The following DIO2 variants were observed in gnomAD, a reference collection of about 807,000 sequenced individuals.
The protein encoded by DIO2 is iodothyronine deiodinase 2.
A neutral mutation model predicts 21.4 loss-of-function variants in DIO2; 19 were observed. The ratio of observed to expected loss-of-function variants is 0.89; its 90% CI spans 0.62 to 1.30. The LOEUF is 1.30. Ranked by LOEUF, DIO2 falls within the 50% of genes most tolerant of loss-of-function variation. DIO2 has a pLI of 0.00. For synonymous variants in DIO2, 122 were observed against 132.9 expected (o/e 0.92, Z 0.57); for missense variants, 302 against 338.1 (o/e 0.89, Z 0.84).
chr14:80,225,021 T>C (rs1888543716), intron 2 of DIO2, among the ~76,000 whole-genome samples: 2 of 152,180 alleles, frequency 1.3e-5, no homozygotes, highest in African/African-American at 4.8e-5. Flanking sequence ...GAGAAAGATG[T>C]AGTCTGGGAG....
At chr14:80,221,320 T>C (rs1888460311) in intron 2 of DIO2, among the ~76,000 whole-genome samples, 1 of 152,222 alleles carries the variant, frequency 6.6e-6, no homozygotes, top group Non-Finnish European at 1.5e-5. Context: ...TACTAAGAAA[T>C]ACATGGGAAA....
chr14:80,217,918 T>C (rs1476026803), intron 2 of DIO2, among the ~76,000 whole-genome samples: 1 of 152,222 alleles, frequency 6.6e-6, no homozygotes, highest in Non-Finnish European at 1.5e-5. Context: ...CACGTTCTGG[T>C]GGACTTCAAT....
chr14:80,223,855 C>G (rs1483525323), intron 2 of DIO2, among the ~76,000 whole-genome samples: 2 of 152,176 alleles, frequency 1.3e-5, no homozygotes, highest in African/African-American at 2.4e-5. Flanking sequence ...GAAACACATT[C>G]TTTAGACACC....
rs1202460414 is a variant in DIO2, at chr14:80,202,816, A to G, written c.695T>C (p.Ile232Thr). Residue 232 changes from isoleucine (I) to threonine (T), a missense_variant, in exon 2 of 2, where the codon ATT (isoleucine) becomes ACT (threonine). Physicochemically the swap from Ile to Thr is moderately conservative, Grantham distance 89. Coordinates refer to ENST00000438257, the MANE Select transcript of DIO2 (RefSeq NM_013989.5). ...AYGVAFERVCIVQRQKIAYLG... is the reference protein window; with the variant it reads ...AYGVAFERVCTVQRQKIAYLG... The stretch of plus-strand genomic sequence containing the variant: ...ATAAGCAATTTTCTGTCTCTGCACA[A>G]TGCACACACGTTCAAAGGCTACCCC... 3.1e-6 allele frequency: 5 copies of G among 1,613,752 alleles called. No homozygotes were observed. The highest frequency in any genetic ancestry group is 1.3e-5 in the African/African-American group (1 of 74,876).
upstream of DIO2, among the ~76,000 whole-genome samples, chr14:80,213,142 T>C (rs1337061211): frequency 6.6e-6 from 1 of 152,226 alleles, no homozygotes; most frequent in Non-Finnish European, 1.5e-5. Flanking sequence ...ACATTGACCA[T>C]TGTTCATTGG....
At chr14:80,218,717 C>T (rs962518440) in intron 2 of DIO2, among the ~76,000 whole-genome samples, 1 of 152,166 alleles carries the variant, frequency 6.6e-6, no homozygotes, top group Middle Eastern at 3.2e-3. Context: ...GTGGGTCATG[C>T]CTCTAATCCC....
chr14:80,223,551 C>T (rs1180299548), intron 2 of DIO2, among the ~76,000 whole-genome samples: 1 of 152,064 alleles, frequency 6.6e-6, no homozygotes, highest in Non-Finnish European at 1.5e-5. Flanking sequence ...GGGATGGACT[C>T]AACAAAAGTT....
At chr14:80,203,491 TAA>T (rs1887829723) in intron 1 of DIO2, among the ~76,000 whole-genome samples, 1 of 152,082 alleles carries the variant, frequency 6.6e-6, no homozygotes, top group African/African-American at 2.4e-5. Context: ...CAAAAGACAA[TAA>T]AAGTCTTTTT....
chr14:80,211,954 G>C (rs1888223834), upstream of DIO2: 2 of 148,822 alleles, frequency 1.3e-5, no homozygotes, highest in South Asian at 2.2e-4. Flanking sequence ...TTTAAACGTA[G>C]CCTGTTTCTT....
intron 2 of DIO2, chr14:80,219,514 T>C (rs2140016997): frequency 6.6e-6 from 1 of 152,058 alleles, no homozygotes; most frequent in South Asian, 2.1e-4. Context: ...CATTTTTTTT[T>C]TTTTTTTTTT....
At chr14:80,219,331 A>G (rs990171516) in intron 2 of DIO2, 1 of 152,222 alleles carries the variant, frequency 6.6e-6, no homozygotes, top group Non-Finnish European at 1.5e-5. Flanking sequence ...CAATTAGTTC[A>G]ATGACAGGAT....
rs931221562 is a variant in DIO2 at position 80,202,432 on chromosome 14, G to A, written c.*257C>T. 8.5e-6 allele frequency: 6 copies of A among 707,038 alleles called. No homozygotes were observed. The highest frequency in any genetic ancestry group is 1.3e-5 in the Non-Finnish European group (5 of 382,414). The allele number at this position is 707,038 out of a possible 1,614,324, so 43.8% of individuals were successfully genotyped here. On this transcript the variant is annotated 3_prime_UTR_variant, in exon 2 of 2. Transcript: ENST00000438257. ...CAGAATGAACACATGCTGAATTAGCGTTTCTTCCTCTCCATCTTGGGATCT... is the reference window on the plus strand; with the variant it reads ...CAGAATGAACACATGCTGAATTAGCATTTCTTCCTCTCCATCTTGGGATCT...
At position 80,229,027 on chromosome 14, in the gene DIO2, TCAAGGGGA is replaced by T. The variant is rs1362128389; in HGVS notation, c.-277-12298_-277-12291del. ...TCCATAATGTAGTGGGGTCCTAACCTCAAGGGGACCCAGCCTCCCCTTCATTCAAGGAG... is the reference window on the plus strand; with the variant it reads ...TCCATAATGTAGTGGGGTCCTAACCTCCCAGCCTCCCCTTCATTCAAGGAG... On this transcript the variant is annotated intron_variant, in intron 2 of 4. Coordinates refer to the DIO2 transcript ENST00000553594. Among the ~76,000 whole-genome samples the T allele has an allele frequency of 7.9e-5, 12 of 152,252 alleles. No individual in the cohort carries two copies. In the South Asian group the frequency reaches 2.5e-3, roughly 32 times the overall value.
intron 1 of DIO2, among the ~76,000 whole-genome samples, chr14:80,206,888 C>T (rs1249773272): frequency 6.6e-6 from 1 of 152,150 alleles, no homozygotes; most frequent in Non-Finnish European, 1.5e-5. Flanking sequence ...TCTTTCCCTG[C>T]CAGCATTAGC....
At chr14:80,227,541 C>T (rs1888601047) in intron 2 of DIO2, among the ~76,000 whole-genome samples, 1 of 152,206 alleles carries the variant, frequency 6.6e-6, no homozygotes, top group African/African-American at 2.4e-5. Context: ...AAAGAGCTGT[C>T]TCTCAAAAGG....
intron 2 of DIO2, chr14:80,216,834 C>T (rs1239289656): frequency 1.3e-5 from 2 of 152,074 alleles, no homozygotes; most frequent in East Asian, 1.9e-4. Flanking sequence ...TTTCATTCCT[C>T]GGCTCGTAGG....
upstream of DIO2, chr14:80,212,003 T>C (rs1423867001): frequency 6.6e-6 from 1 of 150,496 alleles, no homozygotes; most frequent in Non-Finnish European, 1.5e-5. Context: ...TTAAATGTGC[T>C]TTAAGGGTAG....
chr14:80,221,960 T>C (rs531718752), intron 2 of DIO2, among the ~76,000 whole-genome samples: 4 of 152,274 alleles, frequency 2.6e-5, no homozygotes, highest in African/African-American at 9.6e-5. Flanking sequence ...CAGAAAGTGA[T>C]GAATGGATGT....
chr14:80,221,332 A>G (rs1036478336), intron 2 of DIO2, among the ~76,000 whole-genome samples: 1 of 152,242 alleles, frequency 6.6e-6, no homozygotes, highest in Non-Finnish European at 1.5e-5. Flanking sequence ...CATGGGAAAT[A>G]GAAATTTTTC....
Sources: allele counts gnomAD v4.1 joint callset (sites outside exome capture counted in the v4.1 genomes callset), GRCh38; gene constraint gnomAD v4.1.1; transcripts MANE v1.5; gene names NCBI Gene and HGNC (gene_info 2026-07-23, HGNC 2026-07-21).